The following THOC2 variants were observed in gnomAD, a reference collection of about 807,000 sequenced individuals.
The protein encoded by THOC2 is THO complex 2.
Under a neutral mutation model 128.4 loss-of-function variants are expected in THOC2, and 10 were observed. That is an observed-to-expected ratio of 0.08 (90% confidence interval 0.05 to 0.13). The LOEUF is 0.13. Among genes scored for constraint, THOC2 ranks in the 10% least tolerant of loss-of-function variants. The pLI, the probability that THOC2 is intolerant of heterozygous loss-of-function variation, is 1.00. For missense variants in THOC2, 535 were observed against 1,155.7 expected (o/e 0.46, Z 7.79); for synonymous variants, 393 against 396.9 (o/e 0.99, Z 0.12).
intron 8 of THOC2, among the ~76,000 whole-genome samples, chrX:123,672,738 A>G (rs754816623): frequency 3.6e-4 from 40 of 112,160 alleles, no homozygotes; most frequent in South Asian, 1.1e-3. Context: ...GAATGCTATC[A>G]ATTTTCAAAG....
rs140242664 is a variant in THOC2 at position 123,613,625 on chromosome X, A to G, written c.4519+14T>C. On this transcript the variant is annotated intron_variant, in intron 35 of 38. Coordinates refer to ENST00000245838, the MANE Select transcript of THOC2 (RefSeq NM_001081550.2). ...TTCGATGATATCTTCAAAGATATGAATAAGTCTACCTACTTGTTCCATTCT... is the reference window on the plus strand; with the variant it reads ...TTCGATGATATCTTCAAAGATATGAGTAAGTCTACCTACTTGTTCCATTCT... 423 of 1,206,162 alleles carry G rather than the reference A, an allele frequency of 3.5e-4. 2 individuals are homozygous for G. The East Asian group carries it at 0.012, about 35-fold the overall frequency.
intron 12 of THOC2, among the ~76,000 whole-genome samples, chrX:123,660,992 AGAAT>A (rs2147780598): frequency 8.9e-6 from 1 of 112,715 alleles, no homozygotes; most frequent in South Asian, 3.6e-4. Context: ...GCCATAAAAA[AGAAT>A]GAAATCATAT....
At chrX:123,692,044 T>C (rs2050242934) in intron 7 of THOC2, among the ~76,000 whole-genome samples, 1 of 111,901 alleles carries the variant, frequency 8.9e-6, no homozygotes, top group South Asian at 3.7e-4. Context: ...TCACCCTTTA[T>C]AGAAACACTT....
intron 3 of THOC2, 35 bp downstream of exon 3, chrX:123,706,823 C>A: frequency 2.9e-6 from 2 of 689,714 alleles, no homozygotes. Context: ...AGATATATAA[C>A]AACTATTAAC....
chrX:123,695,446 C>T (rs1382108461), intron 7 of THOC2, among the ~76,000 whole-genome samples: 4 of 111,897 alleles, frequency 3.6e-5, no homozygotes, highest in Non-Finnish European at 7.5e-5. Context: ...AATAACTTTC[C>T]TATCTGTTAC....
At chrX:123,727,076 C>T (rs1415887721) in intron 1 of THOC2, among the ~76,000 whole-genome samples, 3 of 110,034 alleles carry the variant, frequency 2.7e-5, no homozygotes, top group Non-Finnish European at 5.7e-5. Flanking sequence ...ATTAGCCAGG[C>T]ATGGTGGCAT....
chrX:123,649,035 C>T (rs2048248277), intron 12 of THOC2, among the ~76,000 whole-genome samples: 1 of 112,136 alleles, frequency 8.9e-6, no homozygotes, highest in African/African-American at 3.2e-5. Flanking sequence ...CACTTCCCAG[C>T]AGGGGTCGAC....
chrX:123,707,516 C>G (rs1273683236), intron 2 of THOC2, among the ~76,000 whole-genome samples: 1 of 111,806 alleles, frequency 8.9e-6, no homozygotes, highest in Non-Finnish European at 1.9e-5. Flanking sequence ...ACAAAAAATA[C>G]ATGTATAAAA....
intron 9 of THOC2, among the ~76,000 whole-genome samples, chrX:123,669,921 C>T (rs1254377436): frequency 8.9e-6 from 1 of 111,930 alleles, no homozygotes; most frequent in Admixed American, 9.5e-5. Context: ...AAATAATAAA[C>T]TCATTTTTAA....
intron 30 of THOC2, 53 bp from the exon 31 acceptor site, chrX:123,621,640 TTGATATATGATAAAATATATCATA>T (rs2047084786): frequency 1.1e-6 from 1 of 887,764 alleles, no homozygotes; most frequent in African/African-American, 2.0e-5. Flanking sequence ...AATATATCCT[TTGATATATGATAAAATATATCATA>T]AAGGGTTTCT....
At chrX:123,619,917 T>C (rs1290770201) in intron 32 of THOC2, 1 of 111,917 alleles carries the variant, frequency 8.9e-6, no homozygotes, top group Non-Finnish European at 1.9e-5. Flanking sequence ...TCAGTGGCAT[T>C]GTATTAACAA....
At position 123,613,505 on chromosome X, in the gene THOC2, T is replaced by C; in HGVS notation, c.4571A>G (p.Asn1524Ser). ...SESPCESPYP[N>S]EKDKEKNKSK... ...CTTATTTTTTTCCTTGTCTTTCTCA[T>C]TTGGATAAGGAGATTCACAAGGACT... Residue 1524 changes from asparagine (N) to serine (S), a missense_variant, in exon 36 of 39, where the codon AAT (asparagine) becomes AGT (serine). Coordinates refer to ENST00000245838, the MANE Select transcript of THOC2 (RefSeq NM_001081550.2). 1 of 1,210,347 alleles carries C rather than the reference T, an allele frequency of 8.3e-7. No individual in the cohort carries two copies. Among genetic ancestry groups the C allele is most frequent in the African/African-American group, 1.7e-5 (1 of 57,764 alleles).
chrX:123,631,823 C>G lies in THOC2; in HGVS notation c.2346G>C (p.Gly782=). The G allele has an allele frequency of 1.7e-6, 2 of 1,203,468 alleles. No homozygotes were observed. The highest frequency in any genetic ancestry group is 2.2e-6 in the Non-Finnish European group (2 of 892,175). Residue 782 remains glycine (G), a synonymous_variant, in exon 22 of 39, where the codon GGG becomes GGC. Coordinates refer to ENST00000245838, the MANE Select transcript of THOC2 (RefSeq NM_001081550.2). ...QCHDTLVQFG[G]FLASNLSTED... is the part of the protein sequence containing the mutation. ...CTGTGCTCAGATTAGATGCTAAAAACCCACCAAACTGCACCAGGGTATCAT... is the reference window on the plus strand; with the variant it reads ...CTGTGCTCAGATTAGATGCTAAAAAGCCACCAAACTGCACCAGGGTATCAT...
intron 12 of THOC2, among the ~76,000 whole-genome samples, chrX:123,661,429 C>CA (rs1277745145): frequency 2.8e-5 from 3 of 108,908 alleles, no homozygotes; most frequent in African/African-American, 6.7e-5. Context: ...ACAAAACAAA[C>CA]AAAAAAACCC....
intron 17 of THOC2, among the ~76,000 whole-genome samples, chrX:123,638,666 C>CACA (rs2047770486): frequency 9.9e-6 from 1 of 101,411 alleles, no homozygotes; most frequent in Admixed American, 1.1e-4. Flanking sequence ...CTCACACACA[C>CACA]AAAAAAAAAA....
At chrX:123,668,016 AC>A (rs1388858770) in intron 10 of THOC2, 142 bp downstream of exon 10, 9 of 409,968 alleles carry the variant, frequency 2.2e-5, no homozygotes, top group Admixed American at 5.5e-5. Flanking sequence ...AAATAAAACC[AC>A]TGTAGCAAAT....
intron 37 of THOC2, among the ~76,000 whole-genome samples, chrX:123,611,234 C>T (rs1388057827): frequency 2.7e-5 from 3 of 111,550 alleles, no homozygotes; most frequent in Non-Finnish European, 5.6e-5. Flanking sequence ...ACATCTCAGT[C>T]ACCACAGAAG....
At chrX:123,696,292 T>C in intron 6 of THOC2, 138 bp from the exon 7 acceptor site, 2 of 428,979 alleles carry the variant, frequency 4.7e-6, no homozygotes, top group Non-Finnish European at 7.8e-6. Context: ...GTTTACCTCT[T>C]TGTGTACCTT....
intron 3 of THOC2, among the ~76,000 whole-genome samples, chrX:123,706,558 A>T (rs1368986333): frequency 1.2e-5 from 1 of 84,177 alleles, no homozygotes; most frequent in Non-Finnish European, 2.2e-5. Flanking sequence ...ATTACAGCAC[A>T]GGCTTTTTTT....
Sources: allele counts gnomAD v4.1 joint callset (sites outside exome capture counted in the v4.1 genomes callset), GRCh38; gene constraint gnomAD v4.1.1; transcripts MANE v1.5; gene names NCBI Gene and HGNC (gene_info 2026-07-23, HGNC 2026-07-21).